Variants in BOC observed in about 807,000 individuals in gnomAD.
BOC encodes the protein BOC cell adhesion associated, oncogene regulated.
A neutral mutation model predicts 112.0 loss-of-function variants in BOC; 76 were observed. The ratio of observed to expected loss-of-function variants is 0.68; its 90% CI spans 0.56 to 0.82. The LOEUF (loss-of-function observed/expected upper bound fraction) is 0.82. Ranked by LOEUF, BOC falls within the 40% of genes least tolerant of loss-of-function variation. The pLI is 0.00. For synonymous variants in BOC, 580 were observed against 599.8 expected (o/e 0.97, Z 0.48); for missense variants, 1,309 against 1,511.7 (o/e 0.87, Z 2.22).
At position 113,283,676 on chromosome 3, in the gene BOC, TGG is replaced by T. The variant is rs985393727; in HGVS notation, c.2656+48_2656+49del. ...CAGTGGGAGGATCCTGGGTGGGAAA[TGG>T]GGGCTCCACTAAGGAGGCCTCTGCC... is the stretch of plus-strand genomic sequence containing the variant. On this transcript the variant is annotated intron_variant, in intron 16 of 19. Transcript: ENST00000682979. 2.5e-6 allele frequency: 4 copies of T among 1,570,954 alleles called. No homozygotes were observed. The African/African-American group carries it at 5.4e-5, about 21-fold the overall frequency.
intron 2 of BOC, among the ~76,000 whole-genome samples, chr3:113,241,475 A>G (rs1944287367): frequency 6.6e-6 from 1 of 151,548 alleles, no homozygotes; most frequent in Non-Finnish European, 1.5e-5. Flanking sequence ...CCCCAACACC[A>G]CCATGGCAGT....
intron 4 of BOC, among the ~76,000 whole-genome samples, chr3:113,260,677 C>G (rs200832166): frequency 9.3e-6 from 1 of 107,614 alleles, no homozygotes. Flanking sequence ...TAGAACAGAA[C>G]AGAACAGAAC....
At chr3:113,275,540 C>T (rs1352973353) in intron 9 of BOC, among the ~76,000 whole-genome samples, 1 of 152,176 alleles carries the variant, frequency 6.6e-6, no homozygotes, top group Admixed American at 6.5e-5. Context: ...CAAGTATATG[C>T]CATTTTCTTT....
At chr3:113,256,630 A>C (rs1373882655) in intron 4 of BOC, among the ~76,000 whole-genome samples, 1 of 152,172 alleles carries the variant, frequency 6.6e-6, no homozygotes, top group Non-Finnish European at 1.5e-5. Flanking sequence ...CTAGGTTCTG[A>C]CTGTGAACTA....
At chr3:113,258,733 G>C (rs1348742243) in intron 4 of BOC, among the ~76,000 whole-genome samples, 1 of 152,210 alleles carries the variant, frequency 6.6e-6, no homozygotes, top group Admixed American at 6.5e-5. Context: ...GCTTTGGCTG[G>C]GAGAGACAGA....
chr3:113,256,769 G>GTGTA (rs1435261024), intron 4 of BOC, among the ~76,000 whole-genome samples: 1 of 151,094 alleles, frequency 6.6e-6, no homozygotes, highest in Non-Finnish European at 1.5e-5. Context: ...GTGTGTGTGT[G>GTGTA]TATATATATA....
chr3:113,254,723 G>A (rs1946045878), intron 4 of BOC, among the ~76,000 whole-genome samples: 1 of 152,230 alleles, frequency 6.6e-6, no homozygotes. Context: ...CTCGCACAAA[G>A]CAGTTGCTGT....
chr3:113,280,957 G>T (rs1949137332), intron 14 of BOC, 74 bp from the exon 15 acceptor site: 1 of 1,579,620 alleles, frequency 6.3e-7, no homozygotes, highest in East Asian at 2.2e-5. Flanking sequence ...CCCCAGCTGA[G>T]TCTGACTATG....
At chr3:113,257,489 A>G (rs1377379187) in intron 4 of BOC, among the ~76,000 whole-genome samples, 3 of 152,158 alleles carry the variant, frequency 2.0e-5, no homozygotes, top group African/African-American at 7.2e-5. Flanking sequence ...TATCTTATTA[A>G]GACTATCCTT....
chr3:113,212,511 C>G (rs1299859772), intron 1 of BOC: 1 of 152,248 alleles, frequency 6.6e-6, no homozygotes, highest in Non-Finnish European at 1.5e-5. Flanking sequence ...CGCACTCGGC[C>G]TCTTTGGAGG....
chr3:113,278,470 T>C lies in BOC; in HGVS notation c.1706-203T>C, dbSNP rs1192374503. ...AGCCGGCCTCTCTGGCACCCCTTCA[T>C]CCCTCTCTCACACAGGGGCCAGCAA... On this transcript the variant is annotated intron_variant, in intron 10 of 19. Transcript: ENST00000682979. The surrounding 1 kb of genome is among the most constrained non-coding windows in gnomAD (Gnocchi z 4.2). Among the ~76,000 whole-genome samples the C allele has an allele frequency of 1.3e-5, 2 of 151,802 alleles. No homozygotes were observed. The highest frequency in any genetic ancestry group is 2.4e-5 in the African/African-American group (1 of 41,290).
At chr3:113,219,494 G>A (rs1419679592) in intron 2 of BOC, among the ~76,000 whole-genome samples, 1 of 152,250 alleles carries the variant, frequency 6.6e-6, no homozygotes, top group African/African-American at 2.4e-5. Flanking sequence ...GTAGGGACTT[G>A]TTCTAGTCTC....
intron 4 of BOC, among the ~76,000 whole-genome samples, chr3:113,259,651 T>C (rs1217827716): frequency 6.6e-6 from 1 of 152,170 alleles, no homozygotes; most frequent in Admixed American, 6.5e-5. Flanking sequence ...GTAATAATCT[T>C]GAGCTCTATA....
At chr3:113,276,606 T>A (rs995803298) in intron 9 of BOC, among the ~76,000 whole-genome samples, 5 of 152,190 alleles carry the variant, frequency 3.3e-5, no homozygotes, top group African/African-American at 1.2e-4. Flanking sequence ...TCGGGCTGTG[T>A]TTTTTCATCC....
chr3:113,271,219 G>T, intron 6 of BOC: 1 of 616,486 alleles, frequency 1.6e-6, no homozygotes, highest in South Asian at 1.5e-5. Flanking sequence ...TTTGCGATTG[G>T]GATGGGTCAG....
At chr3:113,213,310 C>T (rs1297542330) in intron 1 of BOC, among the ~76,000 whole-genome samples, 1 of 152,226 alleles carries the variant, frequency 6.6e-6, no homozygotes, top group East Asian at 1.9e-4. Context: ...GCACTGTGCC[C>T]AGCACACATT....
chr3:113,240,975 C>T (rs1944215633), intron 2 of BOC, among the ~76,000 whole-genome samples: 1 of 152,196 alleles, frequency 6.6e-6, no homozygotes, highest in African/African-American at 2.4e-5. Flanking sequence ...TCACCTCCTT[C>T]TCAGCCAGAG....
chr3:113,282,606 AG>A (rs1223453323), intron 15 of BOC, among the ~76,000 whole-genome samples: 1 of 152,124 alleles, frequency 6.6e-6, no homozygotes, highest in Non-Finnish European at 1.5e-5. Flanking sequence ...TGCCCCGTGC[AG>A]GGGGTCCGGG....
At chr3:113,284,281 A>G in intron 16 of BOC, 54 bp from the exon 17 acceptor site, 6 of 1,506,580 alleles carry the variant, frequency 4.0e-6, no homozygotes, top group Non-Finnish European at 5.5e-6. Context: ...GGCTTTTCCA[A>G]CCCATCCCGG....
Sources: gnomAD v4.1 joint callset for allele counts (sites outside exome capture counted in the v4.1 genomes callset) on GRCh38, gnomAD v4.1.1 for gene constraint, Gnocchi (gnomAD v3.1) non-coding constraint, MANE v1.5 for transcripts, NCBI Gene and HGNC (gene_info 2026-07-23, HGNC 2026-07-21) for gene names.